Variants in FMN1 observed in about 807,000 individuals in gnomAD.
The protein encoded by FMN1 is formin-1.
FMN1 carries 110 observed loss-of-function variants against 132.4 expected under a neutral mutation model. That is an observed-to-expected ratio of 0.83 (90% CI 0.71 to 0.97). FMN1 has a LOEUF of 0.97. Among genes scored for constraint, FMN1 ranks in the 50% least tolerant of loss-of-function variants. FMN1 has a pLI of 0.00. For missense variants in FMN1, 1,792 were observed against 1,705.3 expected (o/e 1.05, Z -0.90); for synonymous variants, 722 against 651.7 (o/e 1.11, Z -1.64).
In FMN1 at chr15:33,089,332, G is replaced by A. The variant is rs974856652; in HGVS notation, c.1868-358C>T. Among the ~76,000 whole-genome samples, 4 of 152,264 alleles carry A rather than the reference G, an allele frequency of 2.6e-5. No individual in the cohort carries two copies. The East Asian group carries it at 5.8e-4, about 22-fold the overall frequency. ...GGCTTTCCTACAGTTCCTAAACAGC[G>A]TCATCTGAGCCAAGTCACTAATGTG... On this transcript the variant is annotated intron_variant, in intron 4 of 20. Coordinates refer to ENST00000616417, the MANE Select transcript of FMN1 (RefSeq NM_001277313.2).
intron 12 of FMN1, chr15:32,908,095 C>A (rs1596245995): frequency 5.8e-6 from 1 of 173,286 alleles, no homozygotes; most frequent in Admixed American, 5.6e-5. Context: ...CTGGATATGA[C>A]CTTTAGGAAA....
At chr15:32,904,438 T>C (rs151183790) in intron 12 of FMN1, among the ~76,000 whole-genome samples, 117 of 152,300 alleles carry the variant, frequency 7.7e-4, no homozygotes, top group African/African-American at 2.5e-3. Context: ...CTTTTTGTTG[T>C]AGAAAATCTC....
At chr15:33,126,885 GCTGTA>G (rs1963134035) in intron 4 of FMN1, among the ~76,000 whole-genome samples, 2 of 152,134 alleles carry the variant, frequency 1.3e-5, no homozygotes, top group Non-Finnish European at 2.9e-5. Context: ...AATAACTGTG[GCTGTA>G]TAACTGCAAA....
chr15:32,795,379 C>A (rs1291128971), intron 19 of FMN1, among the ~76,000 whole-genome samples: 1 of 152,084 alleles, frequency 6.6e-6, no homozygotes, highest in Admixed American at 6.6e-5. Context: ...AGCTCAAGAG[C>A]AAAGGTGAGG....
At chr15:32,841,091 T>G (rs1214403903) in intron 17 of FMN1, among the ~76,000 whole-genome samples, 4 of 152,244 alleles carry the variant, frequency 2.6e-5, no homozygotes, top group Non-Finnish European at 5.9e-5. Flanking sequence ...ATATTTTTGC[T>G]TGGAACTTCT....
intron 9 of FMN1, among the ~76,000 whole-genome samples, chr15:32,927,413 G>A (rs2060988872): frequency 6.6e-6 from 1 of 151,986 alleles, no homozygotes; most frequent in South Asian, 2.1e-4. Flanking sequence ...CACCATGCTT[G>A]GCTAATTTTT....
At chr15:33,117,203 AAGAG>A (rs539172733) in intron 4 of FMN1, among the ~76,000 whole-genome samples, 6 of 152,034 alleles carry the variant, frequency 3.9e-5, no homozygotes, top group Admixed American at 3.3e-4. Flanking sequence ...CCTACTCCAA[AAGAG>A]AGAGAGAGAA....
intron 4 of FMN1, among the ~76,000 whole-genome samples, chr15:33,152,058 G>A (rs73380687): frequency 0.01 from 1,582 of 152,212 alleles, 21 homozygotes; most frequent in African/African-American, 0.036. Context: ...GCTCTAACCT[G>A]TAAGAGACTG....
At chr15:32,985,857 CCATAACTGTGAAT>C (rs537823065) in intron 7 of FMN1, among the ~76,000 whole-genome samples, 3 of 152,042 alleles carry the variant, frequency 2.0e-5, no homozygotes, top group Non-Finnish European at 4.4e-5. Flanking sequence ...ATTAATATTG[CCATAACTGTGAAT>C]GCACATCACA....
intron 4 of FMN1, among the ~76,000 whole-genome samples, chr15:33,105,066 T>G (rs1388400747): frequency 6.6e-6 from 1 of 152,056 alleles, no homozygotes; most frequent in Non-Finnish European, 1.5e-5. Flanking sequence ...TAGTACATGC[T>G]CTGGTCTGAC....
chr15:33,145,154 C>T (rs578181607), intron 4 of FMN1, among the ~76,000 whole-genome samples: 5 of 152,174 alleles, frequency 3.3e-5, no homozygotes, highest in South Asian at 4.2e-4. Context: ...TCCTCCTCAT[C>T]ACTGCTTTCA....
intron 16 of FMN1, among the ~76,000 whole-genome samples, chr15:32,870,056 A>G (rs1269560504): frequency 6.6e-6 from 1 of 152,216 alleles, no homozygotes; most frequent in East Asian, 1.9e-4. Flanking sequence ...TTCCTGGTCA[A>G]GTGCTAAAGA....
chr15:33,020,207 C>T (rs2035341681), intron 6 of FMN1, among the ~76,000 whole-genome samples: 1 of 152,186 alleles, frequency 6.6e-6, no homozygotes, highest in South Asian at 2.1e-4. Context: ...TCTTGCAGGA[C>T]GGAGCCCTCA....
intron 10 of FMN1, among the ~76,000 whole-genome samples, chr15:32,919,667 T>C (rs908773712): frequency 2.0e-5 from 3 of 152,176 alleles, no homozygotes; most frequent in African/African-American, 7.2e-5. Context: ...CTTTTTACTG[T>C]TGGGGTGCAC....
At chr15:32,869,325 C>G (rs1451594148) in intron 16 of FMN1, among the ~76,000 whole-genome samples, 1 of 152,028 alleles carries the variant, frequency 6.6e-6, no homozygotes, top group Non-Finnish European at 1.5e-5. Flanking sequence ...TGGTGACCAG[C>G]CTGGTTAGGA....
intron 10 of FMN1, among the ~76,000 whole-genome samples, chr15:32,923,679 G>A (rs16961225): frequency 0.013 from 2,001 of 152,232 alleles, 40 homozygotes; most frequent in African/African-American, 0.046. Context: ...GGTCTGGATC[G>A]ACAAATATCT....
intron 9 of FMN1, among the ~76,000 whole-genome samples, chr15:32,950,026 TATATATACACATATATATATATATACAC>T (rs2061607110): frequency 1.8e-4 from 2 of 11,140 alleles, no homozygotes; most frequent in Non-Finnish European, 3.5e-4. Flanking sequence ...CACATATATA[TATATATACACATATATATATATATACAC>T]ATATATATAT....
rs1307927459 is a variant in FMN1 at position 33,154,989 on chromosome 15, T to A, written c.-75A>T. 8 of 1,224,252 alleles carry A rather than the reference T, an allele frequency of 6.5e-6. No individual in the cohort carries two copies. Among genetic ancestry groups the A allele is most frequent in the Non-Finnish European group, 8.9e-6 (8 of 898,562 alleles). 75.8% of individuals were successfully genotyped at this position (1,224,252 alleles called of 1,614,324 possible). On this transcript the variant is annotated 5_prime_UTR_variant, in exon 4 of 21. It removes an upstream start codon present in the reference 5' UTR. Transcript: ENST00000616417. ...CTTCCCAGGCTCCAGTGGTGAGGCA[T>A]GTGATGGTGGCTATGCAGAGAAAGC...
chr15:33,123,564 T>C (rs753415096), intron 4 of FMN1, among the ~76,000 whole-genome samples: 1 of 152,174 alleles, frequency 6.6e-6, no homozygotes, highest in Non-Finnish European at 1.5e-5. Context: ...ACCAAGAATA[T>C]TGAGGAAAAA....
Sources: allele counts gnomAD v4.1 joint callset (sites outside exome capture counted in the v4.1 genomes callset), GRCh38; gene constraint gnomAD v4.1.1; transcripts MANE v1.5; gene names NCBI Gene and HGNC (gene_info 2026-07-23, HGNC 2026-07-21).